The following IMMP2L variants were observed in gnomAD, a reference collection of about 807,000 sequenced individuals.
IMMP2L encodes the protein mitochondrial inner membrane protease subunit 2.
In IMMP2L, 18 loss-of-function variants were observed where a neutral mutation model predicts 19.3. The ratio of observed to expected loss-of-function variants is 0.93; its 90% CI spans 0.64 to 1.38. IMMP2L has a LOEUF of 1.38. Ranked by LOEUF, IMMP2L falls within the 40% of genes most tolerant of loss-of-function variation. The pLI is 0.00. For missense variants in IMMP2L, 233 were observed against 218.2 expected, an observed-to-expected ratio of 1.07 and a Z score of -0.43; for synonymous variants, 76 against 73.0, an observed-to-expected ratio of 1.04 and a Z score of -0.21.
At position 110,922,528 on chromosome 7, in the gene IMMP2L, C is replaced by T. The variant is rs1253456675; in HGVS notation, c.306-35833G>A. Among the ~76,000 whole-genome samples the T allele has an allele frequency of 2.6e-5, 4 of 152,090 alleles. No homozygotes were observed. The South Asian group carries it at 8.3e-4, about 32-fold the overall frequency. On this transcript the variant is annotated intron_variant, in intron 4 of 5. Transcript: ENST00000405709. ...TTTTGTTTGGAACTATCTAAATCCA[C>T]TTGACATAATCATTTCCTCATGAAC...
chr7:110,865,311 C>A (rs533632005), intron 5 of IMMP2L, among the ~76,000 whole-genome samples: 1 of 151,964 alleles, frequency 6.6e-6, no homozygotes, highest in Non-Finnish European at 1.5e-5. Flanking sequence ...AAAATTAAGA[C>A]GGACTTTTCT....
intron 5 of IMMP2L, among the ~76,000 whole-genome samples, chr7:110,786,066 A>G (rs1463715093): frequency 6.6e-6 from 1 of 151,990 alleles, no homozygotes; most frequent in Non-Finnish European, 1.5e-5. Flanking sequence ...GATGCTTACT[A>G]GATTGCCAAT....
At chr7:110,905,983 A>G (rs1812411220) in intron 4 of IMMP2L, among the ~76,000 whole-genome samples, 1 of 152,190 alleles carries the variant, frequency 6.6e-6, no homozygotes, top group African/African-American at 2.4e-5. Flanking sequence ...ATACTGCACT[A>G]TTTACCACTG....
At chr7:111,511,248 T>G (rs1047240223) in intron 2 of IMMP2L, among the ~76,000 whole-genome samples, 5 of 151,976 alleles carry the variant, frequency 3.3e-5, no homozygotes, top group Admixed American at 6.6e-5. Flanking sequence ...CCACAGGACT[T>G]GAGAAATGAC....
chr7:110,696,962 A>G (rs1158518779), intron 5 of IMMP2L, among the ~76,000 whole-genome samples: 1 of 152,084 alleles, frequency 6.6e-6, no homozygotes. Context: ...GCCTGAGGAG[A>G]GATAAGAAGT....
intron 3 of IMMP2L, among the ~76,000 whole-genome samples, chr7:111,076,848 T>C (rs1268614389): frequency 3.9e-5 from 6 of 152,204 alleles, no homozygotes; most frequent in South Asian, 4.1e-4. Context: ...TACCTTACTC[T>C]CATCTCTCTC....
intron 3 of IMMP2L, among the ~76,000 whole-genome samples, chr7:111,300,427 A>G (rs1822098605): frequency 6.6e-6 from 1 of 152,192 alleles, no homozygotes; most frequent in African/African-American, 2.4e-5. Flanking sequence ...ATTCACATGC[A>G]GTTGTAAGAA....
chr7:111,427,196 T>C (rs938136736), intron 3 of IMMP2L, among the ~76,000 whole-genome samples: 2 of 151,634 alleles, frequency 1.3e-5, no homozygotes, highest in Non-Finnish European at 2.9e-5. Flanking sequence ...GACCTTCACC[T>C]CAAATAATCC....
intron 3 of IMMP2L, among the ~76,000 whole-genome samples, chr7:111,171,333 A>T (rs767554913): frequency 1.3e-4 from 20 of 151,546 alleles, no homozygotes; most frequent in Non-Finnish European, 2.4e-4. Flanking sequence ...ATTATTAGAA[A>T]CTCACTAGGG....
chr7:111,048,364 A>C (rs1477252895), intron 3 of IMMP2L, among the ~76,000 whole-genome samples: 2 of 151,958 alleles, frequency 1.3e-5, no homozygotes, highest in Non-Finnish European at 2.9e-5. Flanking sequence ...GCTCTTGTTA[A>C]CTGGACTCTG....
chr7:110,932,891 G>A (rs149361774), intron 4 of IMMP2L, among the ~76,000 whole-genome samples: 8 of 152,266 alleles, frequency 5.3e-5, no homozygotes, highest in Non-Finnish European at 1.0e-4. Context: ...TAGAATTTGC[G>A]AGCATGATAT....
intron 5 of IMMP2L, among the ~76,000 whole-genome samples, chr7:110,867,344 C>T (rs956256330): frequency 1.3e-5 from 2 of 151,774 alleles, no homozygotes; most frequent in East Asian, 1.9e-4. Context: ...CTCATTACCC[C>T]GCAAAGTTCT....
At chr7:110,775,077 C>G (rs1012669921) in intron 5 of IMMP2L, among the ~76,000 whole-genome samples, 2 of 151,924 alleles carry the variant, frequency 1.3e-5, no homozygotes, top group Non-Finnish European at 2.9e-5. Context: ...AGATATAAAA[C>G]TTTATATGCT....
chr7:111,054,870 T>G (rs909475666), intron 3 of IMMP2L, among the ~76,000 whole-genome samples: 5 of 152,152 alleles, frequency 3.3e-5, no homozygotes, highest in Admixed American at 3.3e-4. Flanking sequence ...TAGTAAAAGA[T>G]AGAAGAGAAT....
intron 5 of IMMP2L, among the ~76,000 whole-genome samples, chr7:110,874,994 A>G (rs1263053290): frequency 6.6e-6 from 1 of 152,078 alleles, no homozygotes; most frequent in Non-Finnish European, 1.5e-5. Context: ...CATTAATCCC[A>G]GCCATGAGGG....
At chr7:111,173,905 T>C (rs563207547) in intron 3 of IMMP2L, among the ~76,000 whole-genome samples, 1 of 151,832 alleles carries the variant, frequency 6.6e-6, no homozygotes, top group African/African-American at 2.4e-5. Flanking sequence ...AATTTCAAAC[T>C]GTTGTTCTAA....
chr7:110,722,748 C>G (rs995588537), intron 5 of IMMP2L, among the ~76,000 whole-genome samples: 1 of 152,006 alleles, frequency 6.6e-6, no homozygotes, highest in Non-Finnish European at 1.5e-5. Flanking sequence ...GGTTTAGAGG[C>G]CCTTCTTGTA....
chr7:110,969,286 G>A (rs1300140729), intron 3 of IMMP2L, among the ~76,000 whole-genome samples: 1 of 151,794 alleles, frequency 6.6e-6, no homozygotes, highest in African/African-American at 2.4e-5. Flanking sequence ...TCATTAATTA[G>A]CACTCTCAAA....
chr7:110,873,292 G>A (rs775778440), intron 5 of IMMP2L, among the ~76,000 whole-genome samples: 9 of 149,752 alleles, frequency 6.0e-5, no homozygotes, highest in South Asian at 2.1e-4. Flanking sequence ...GCATGGTGGC[G>A]CATGCCTGTA....
Sources: allele counts gnomAD v4.1 joint callset (sites outside exome capture counted in the v4.1 genomes callset), GRCh38; gene constraint gnomAD v4.1.1; transcripts MANE v1.5; gene names NCBI Gene and HGNC (gene_info 2026-07-23, HGNC 2026-07-21).